TMEM62: variants seen among roughly 807,000 people sequenced by gnomAD.
TMEM62 encodes transmembrane protein 62.
A neutral mutation model predicts 70.4 loss-of-function variants in TMEM62; 41 were observed. The ratio of observed to expected loss-of-function variants is 0.58; its 90% CI spans 0.45 to 0.76. The LOEUF (loss-of-function observed/expected upper bound fraction) is 0.76, where lower values mean the gene tolerates loss of function less well. Among genes scored for constraint, TMEM62 ranks in the 30% least tolerant of loss-of-function variants. The pLI is 0.00. For missense variants in TMEM62, 688 were observed against 788.5 expected, an observed-to-expected ratio of 0.87 and a Z score of 1.53; for synonymous variants, 268 against 291.0, an observed-to-expected ratio of 0.92 and a Z score of 0.80.
At chr15:43,168,451 A>G (rs1003732112) in intron 10 of TMEM62, among the ~76,000 whole-genome samples, 2 of 152,032 alleles carry the variant, frequency 1.3e-5, no homozygotes, top group Non-Finnish European at 2.9e-5. Context: ...TTGCCAGGAC[A>G]TGGTCTTTCT....
chr15:43,145,274 C>G (rs1267581352), intron 4 of TMEM62, among the ~76,000 whole-genome samples: 36 of 146,014 alleles, frequency 2.5e-4, no homozygotes, highest in African/African-American at 8.9e-4. Context: ...GCACGATCTC[C>G]ACTCACTGCA....
chr15:43,159,732 C>T (rs978845178), intron 9 of TMEM62, among the ~76,000 whole-genome samples: 1 of 152,070 alleles, frequency 6.6e-6, no homozygotes, highest in Non-Finnish European at 1.5e-5. Context: ...TTGTGCACTT[C>T]CTATTCAAGA....
intron 11 of TMEM62, among the ~76,000 whole-genome samples, chr15:43,178,288 T>C (rs1188096472): frequency 6.6e-6 from 1 of 151,938 alleles, no homozygotes; most frequent in African/African-American, 2.4e-5. Flanking sequence ...TATATATGTA[T>C]ATGTACATAT....
intron 13 of TMEM62, among the ~76,000 whole-genome samples, chr15:43,183,459 T>G (rs1314397073): frequency 6.6e-6 from 1 of 152,194 alleles, no homozygotes; most frequent in Non-Finnish European, 1.5e-5. Context: ...CTGCATGCAC[T>G]TCCTTAAAGA....
intron 11 of TMEM62, among the ~76,000 whole-genome samples, chr15:43,172,589 A>T (rs926194090): frequency 6.6e-6 from 1 of 152,222 alleles, no homozygotes; most frequent in African/African-American, 2.4e-5. Flanking sequence ...TTTTGGTCAA[A>T]TCCTGCTTAA....
chr15:43,170,930 A>G (rs1388272210), intron 11 of TMEM62, among the ~76,000 whole-genome samples: 3 of 152,360 alleles, frequency 2.0e-5, no homozygotes, highest in Admixed American at 2.0e-4. Flanking sequence ...AAAAGCCAAG[A>G]GTACAGAATC....
At chr15:43,175,831 G>A (rs187945290) in intron 11 of TMEM62, among the ~76,000 whole-genome samples, 7 of 152,286 alleles carry the variant, frequency 4.6e-5, no homozygotes, top group South Asian at 2.1e-4. Context: ...GACAGTGGGC[G>A]CAGGACAGTG....
At chr15:43,149,765 C>A (rs1330852462) in intron 7 of TMEM62, among the ~76,000 whole-genome samples, 4 of 152,216 alleles carry the variant, frequency 2.6e-5, no homozygotes, top group Non-Finnish European at 4.4e-5. Flanking sequence ...CTATGCATGA[C>A]AATTTGAGAA....
rs773478609 is a variant in TMEM62 at position 43,134,356 on chromosome 15, G to A, written c.280G>A (p.Val94Ile). ...ETIDIIQPAL[V>I]LATGDLTDAK... ...TATTGACATCATTCAACCAGCTCTCGTCCTAGCAACAGGTAGGGAGGCTTG... is the reference window on the plus strand; with the variant it reads ...TATTGACATCATTCAACCAGCTCTCATCCTAGCAACAGGTAGGGAGGCTTG... The change falls in exon 2 of 14, where the codon GTC becomes ATC. Residue 94 changes from valine (V) to isoleucine (I), a missense_variant. Transcript: ENST00000260403. 2 of 1,613,566 alleles carry A rather than the reference G, an allele frequency of 1.2e-6. No individual in the cohort carries two copies. The highest frequency in any genetic ancestry group is 1.1e-5 in the South Asian group (1 of 91,060).
chr15:43,138,005 C>T (rs776573375), intron 3 of TMEM62, among the ~76,000 whole-genome samples: 8 of 152,212 alleles, frequency 5.3e-5, no homozygotes, highest in Non-Finnish European at 1.2e-4. Context: ...GAAAAGGTAC[C>T]ACTGCCCAAG....
intron 9 of TMEM62, among the ~76,000 whole-genome samples, chr15:43,156,606 C>T (rs1173775488): frequency 6.6e-6 from 1 of 152,026 alleles, no homozygotes; most frequent in Non-Finnish European, 1.5e-5. Flanking sequence ...GATATACATA[C>T]AACTTCTGTA....
Position 43,151,948 on chromosome 15 carries a change from A to T in TMEM62, c.1022+3A>T, listed in dbSNP as rs183282737. The T allele has an allele frequency of 3.1e-5, 49 of 1,588,162 alleles. No homozygotes were observed. The East Asian group carries it at 9.9e-4, about 32-fold the overall frequency. On this transcript the variant is annotated splice_donor_region_variant and intron_variant, in intron 8 of 13. Transcript: ENST00000260403. ...CTTCTTCACTCAACACACATCAGGT[A>T]TGTAGCAATTTTTTAGAATTTACTT... is the stretch of plus-strand genomic sequence containing the variant.
intron 13 of TMEM62, 168 bp from the exon 14 acceptor site, chr15:43,184,092 C>T: frequency 1.6e-6 from 1 of 625,544 alleles, no homozygotes; most frequent in Non-Finnish European, 2.8e-6. Flanking sequence ...TGGGCAAATA[C>T]ACAACTAGCC....
chr15:43,148,689 A>G, intron 5 of TMEM62, 66 bp from the exon 6 acceptor site: 2 of 1,563,994 alleles, frequency 1.3e-6, no homozygotes, highest in Non-Finnish European at 1.7e-6. Flanking sequence ...GAGTTTTCTA[A>G]TCTGTTGACA....
chr15:43,153,658 T>TTGTGTG (rs71431882), intron 8 of TMEM62, among the ~76,000 whole-genome samples: 57 of 149,802 alleles, frequency 3.8e-4, no homozygotes, highest in African/African-American at 1.3e-3. Context: ...CCATTGTACA[T>TTGTGTG]TGTGTGTGTG....
chr15:43,160,458 T>C (rs1452635808), intron 9 of TMEM62: 2 of 443,096 alleles, frequency 4.5e-6, no homozygotes, highest in Non-Finnish European at 8.1e-6. Context: ...GGAAGATCAC[T>C]TGACCACAGA....
At chr15:43,140,505 C>T (rs931050568) in intron 4 of TMEM62, among the ~76,000 whole-genome samples, 1 of 152,098 alleles carries the variant, frequency 6.6e-6, no homozygotes, top group Non-Finnish European at 1.5e-5. Context: ...AAGAACTCTC[C>T]CTCTCCCATC....
intron 5 of TMEM62, among the ~76,000 whole-genome samples, chr15:43,147,793 G>C (rs914771911): frequency 6.6e-6 from 1 of 152,058 alleles, no homozygotes; most frequent in Non-Finnish European, 1.5e-5. Flanking sequence ...AGAATTCAAG[G>C]ATCATGTACA....
rs1398892952 is a variant in TMEM62 at position 43,166,492 on chromosome 15, T to G, written c.1297-3101T>G. 2.0e-5 allele frequency among the ~76,000 whole-genome samples: 3 copies of G among 152,202 alleles called. No homozygotes were observed. In the East Asian group the frequency reaches 5.8e-4, roughly 29 times the overall value. On this transcript the variant is annotated intron_variant, in intron 10 of 13. Transcript: ENST00000260403. ...AATACAGGACTGGTTTGTGTCAGAGTGCAAATCAATTATTCCTGAAATGAT... is the reference window on the plus strand; with the variant it reads ...AATACAGGACTGGTTTGTGTCAGAGGGCAAATCAATTATTCCTGAAATGAT...
Sources: allele counts gnomAD v4.1 joint callset (sites outside exome capture counted in the v4.1 genomes callset), GRCh38; gene constraint gnomAD v4.1.1; transcripts MANE v1.5; gene names NCBI Gene and HGNC (gene_info 2026-07-23, HGNC 2026-07-21).